The following PGCKA1 variants were observed in gnomAD, a reference collection of about 807,000 sequenced individuals.
The protein encoded by PGCKA1 is PDCD10 and GCKIII kinases-associated protein 1.
At chr4:37,527,807 C>A in the PGCKA1 span, among the ~76,000 whole-genome samples, 2 of 148,622 alleles carry the variant, frequency 1.3e-5, no homozygotes, top group African/African-American at 5.1e-5. Context: ...TCCAGCCTGG[C>A]GACAGAGCAA....
the PGCKA1 span, among the ~76,000 whole-genome samples, chr4:37,549,433 G>A: frequency 6.6e-6 from 1 of 152,222 alleles, no homozygotes; most frequent in South Asian, 2.1e-4. Flanking sequence ...ACTAGCTGGG[G>A]TTTCCAAAGG....
chr4:37,580,348 C>A, the PGCKA1 span, among the ~76,000 whole-genome samples: 1 of 135,596 alleles, frequency 7.4e-6, no homozygotes, highest in African/African-American at 2.9e-5. Flanking sequence ...TGTGGATGCT[C>A]ACTGGTGTCT....
the PGCKA1 span, among the ~76,000 whole-genome samples, chr4:37,519,401 G>T: frequency 0.19 from 28,567 of 151,732 alleles, 3,168 homozygotes; most frequent in African/African-American, 0.3. Context: ...CCACAAATAT[G>T]GAATATCTTT....
chr4:37,495,827 C>T, the PGCKA1 span, among the ~76,000 whole-genome samples: 1 of 151,888 alleles, frequency 6.6e-6, no homozygotes. Flanking sequence ...GCACATTCTG[C>T]ACATGTATCC....
At chr4:37,582,528 A>T in the PGCKA1 span, among the ~76,000 whole-genome samples, 1 of 152,230 alleles carries the variant, frequency 6.6e-6, no homozygotes, top group South Asian at 2.1e-4. Flanking sequence ...ATGTCTCTTA[A>T]ATCTCCTTGA....
At chr4:37,562,203 T>G in the PGCKA1 span, among the ~76,000 whole-genome samples, 68,279 of 151,782 alleles carry the variant, frequency 0.45, 16,143 homozygotes, top group South Asian at 0.54. Context: ...CCATGAGTAT[T>G]GATTTGGGGG....
chr4:37,462,840 C>CA, the PGCKA1 span, among the ~76,000 whole-genome samples: 2 of 150,224 alleles, frequency 1.3e-5, no homozygotes, highest in East Asian at 3.9e-4. Flanking sequence ...TAAAAAAATA[C>CA]AAAAAATTAG....
chr4:37,506,159 A>G, the PGCKA1 span, among the ~76,000 whole-genome samples: 1 of 151,994 alleles, frequency 6.6e-6, no homozygotes. Flanking sequence ...AATTTTATTT[A>G]TTTGGGTCTT....
the PGCKA1 span, among the ~76,000 whole-genome samples, chr4:37,508,533 T>C: frequency 1.3e-4 from 19 of 151,852 alleles, no homozygotes; most frequent in Non-Finnish European, 2.8e-4. Flanking sequence ...TGCATTTTTT[T>C]ATTCTTAAAC....
At chr4:37,512,601 G>A in the PGCKA1 span, among the ~76,000 whole-genome samples, 4 of 151,696 alleles carry the variant, frequency 2.6e-5, no homozygotes, top group Admixed American at 6.6e-5. Flanking sequence ...CTACAGGCAC[G>A]GGCCACTAGG....
At chr4:37,519,958 T>G in the PGCKA1 span, among the ~76,000 whole-genome samples, 5 of 152,202 alleles carry the variant, frequency 3.3e-5, no homozygotes. Flanking sequence ...TTTTTAGGGA[T>G]TTTCATCATT....
At chr4:37,513,019 C>T in the PGCKA1 span, among the ~76,000 whole-genome samples, 3 of 149,600 alleles carry the variant, frequency 2.0e-5, no homozygotes, top group South Asian at 2.1e-4. Context: ...ACCTGGGAGG[C>T]GGAGATTTCA....
At chr4:37,576,915 G>A in the PGCKA1 span, among the ~76,000 whole-genome samples, 797 of 152,132 alleles carry the variant, frequency 5.2e-3, 13 homozygotes, top group Non-Finnish European at 4.1e-3. Flanking sequence ...CCATCCCTGG[G>A]ATAAATCCCA....
chr4:37,584,658 G>T, the PGCKA1 span, among the ~76,000 whole-genome samples: 1 of 152,144 alleles, frequency 6.6e-6, no homozygotes, highest in South Asian at 2.1e-4. Flanking sequence ...ACTTCATTCG[G>T]TGCAGGCTGC....
At chr4:37,488,118 AAATTTTCTTGGAAGAGC>A in the PGCKA1 span, among the ~76,000 whole-genome samples, 2 of 152,202 alleles carry the variant, frequency 1.3e-5, no homozygotes, top group African/African-American at 2.4e-5. Context: ...TGTTGGGCTT[AAATTTTCTTGGAAGAGC>A]AATTTCCAAA....
the PGCKA1 span, among the ~76,000 whole-genome samples, chr4:37,514,730 A>T: frequency 6.6e-6 from 1 of 152,206 alleles, no homozygotes; most frequent in Admixed American, 6.5e-5. Flanking sequence ...TTCAGGCAGG[A>T]CTTATAGGTG....
At chr4:37,575,187 A>G in the PGCKA1 span, among the ~76,000 whole-genome samples, 1 of 152,170 alleles carries the variant, frequency 6.6e-6, no homozygotes, top group East Asian at 1.9e-4. Context: ...TATTCTCCAT[A>G]GTGGTTGTAC....
chr4:37,580,049 C>A, the PGCKA1 span, among the ~76,000 whole-genome samples: 1 of 151,964 alleles, frequency 6.6e-6, no homozygotes, highest in Non-Finnish European at 1.5e-5. Flanking sequence ...TTGATTAATT[C>A]TGCTGTTAAG....
chr4:37,583,577 C>T, the PGCKA1 span, among the ~76,000 whole-genome samples: 15 of 152,208 alleles, frequency 9.9e-5, no homozygotes, highest in East Asian at 1.9e-3. Flanking sequence ...GCTGGGACTA[C>T]AGGCGCCCAC....
Sources: allele counts gnomAD v4.1 joint callset (sites outside exome capture counted in the v4.1 genomes callset), GRCh38; gene constraint gnomAD v4.1.1; transcripts MANE v1.5; gene names NCBI Gene and HGNC (gene_info 2026-07-23, HGNC 2026-07-21).